The following TOX variants were observed in gnomAD, a reference collection of about 807,000 sequenced individuals.
TOX encodes thymocyte selection-associated high mobility group box protein TOX.
In TOX, 11 loss-of-function variants were observed where a neutral mutation model predicts 53.7. The observed-to-expected ratio is 0.20, with a 90% CI of 0.13 to 0.34. The LOEUF (loss-of-function observed/expected upper bound fraction) is 0.34, where lower values mean the gene tolerates loss of function less well. TOX is among the 10% of genes least tolerant of loss of function. The pLI is 1.00. For synonymous variants in TOX, 225 were observed against 245.3 expected (o/e 0.92, Z 0.77); for missense variants, 570 against 664.6 (o/e 0.86, Z 1.56).
At chr8:58,852,439 A>G (rs1361203014) in intron 3 of TOX, among the ~76,000 whole-genome samples, 1 of 152,210 alleles carries the variant, frequency 6.6e-6, no homozygotes, top group Non-Finnish European at 1.5e-5. Flanking sequence ...ACTTGAAAGT[A>G]AAGCTCTAAA....
At chr8:58,999,417 G>A (rs1475789950) in intron 1 of TOX, among the ~76,000 whole-genome samples, 2 of 151,454 alleles carry the variant, frequency 1.3e-5, no homozygotes, top group African/African-American at 4.9e-5. Context: ...AAAAAAAAAA[G>A]AAACTAAGAA....
intron 1 of TOX, among the ~76,000 whole-genome samples, chr8:59,047,643 A>C (rs748626174): frequency 6.6e-6 from 1 of 151,572 alleles, no homozygotes; most frequent in East Asian, 1.9e-4. Flanking sequence ...GCGCCATCAT[A>C]GCACACTAGA....
At chr8:58,846,201 G>C (rs1810716455) in intron 4 of TOX, among the ~76,000 whole-genome samples, 1 of 151,738 alleles carries the variant, frequency 6.6e-6, no homozygotes, top group Non-Finnish European at 1.5e-5. Flanking sequence ...AGTTTATTAG[G>C]CTCAGCCTTA....
chr8:58,931,056 A>G (rs1292468638), intron 3 of TOX, among the ~76,000 whole-genome samples: 2 of 152,220 alleles, frequency 1.3e-5, no homozygotes, highest in Non-Finnish European at 2.9e-5. Flanking sequence ...TGGCCTTTTC[A>G]GATGTTTGCC....
chr8:59,030,643 G>A (rs1230364722), intron 1 of TOX, among the ~76,000 whole-genome samples: 6 of 152,176 alleles, frequency 3.9e-5, no homozygotes, highest in African/African-American at 7.2e-5. Flanking sequence ...CTGTTCTAGA[G>A]TTCCTTGGTA....
chr8:58,921,535 A>G (rs985216779), intron 3 of TOX, among the ~76,000 whole-genome samples: 5 of 152,222 alleles, frequency 3.3e-5, no homozygotes, highest in African/African-American at 1.2e-4. Context: ...TTTCAGCTAC[A>G]CTTTCAGTAT....
At chr8:59,028,085 T>C (rs1264793968) in intron 1 of TOX, among the ~76,000 whole-genome samples, 3 of 152,210 alleles carry the variant, frequency 2.0e-5, no homozygotes, top group Admixed American at 6.5e-5. Context: ...AATTTGTATC[T>C]GTTACCACGA....
chr8:59,050,528 A>AT (rs953603483), intron 1 of TOX, among the ~76,000 whole-genome samples: 6 of 152,244 alleles, frequency 3.9e-5, no homozygotes, highest in African/African-American at 1.4e-4. Context: ...TTTTATTGAA[A>AT]TTTTTTTCTA....
intron 1 of TOX, among the ~76,000 whole-genome samples, chr8:58,996,431 A>G (rs997678337): frequency 1.1e-4 from 16 of 152,346 alleles, no homozygotes; most frequent in African/African-American, 3.6e-4. Context: ...ATTAGATTAC[A>G]ATCAATTGCC....
Position 59,010,688 on chromosome 8 carries a change from G to A in TOX, c.103-50680C>T, listed in dbSNP as rs551730957. Among the ~76,000 whole-genome samples, 93 of 152,272 alleles carry A rather than the reference G, an allele frequency of 6.1e-4. 1 individual carries two copies. Among genetic ancestry groups the A allele is most frequent in the Non-Finnish European group, 1.1e-3 (74 of 68,026 alleles). On this transcript the variant is annotated intron_variant, in intron 1 of 8. Transcript: ENST00000361421. ...AATACCTACCACATAGTGTTATCAT[G>A]AGGATCACTAGGATAATGAGTTTGA...
chr8:58,829,945 T>G (rs924421618), intron 5 of TOX, among the ~76,000 whole-genome samples: 1 of 152,202 alleles, frequency 6.6e-6, no homozygotes, highest in Non-Finnish European at 1.5e-5. Flanking sequence ...CAGCACGGCA[T>G]TTGGCAATGA....
intron 3 of TOX, among the ~76,000 whole-genome samples, chr8:58,854,864 T>C (rs1331072615): frequency 6.6e-6 from 1 of 152,166 alleles, no homozygotes; most frequent in Non-Finnish European, 1.5e-5. Flanking sequence ...TATTAATCAC[T>C]GCCTAATGTA....
At chr8:59,091,339 T>C (rs986182218) in intron 1 of TOX, among the ~76,000 whole-genome samples, 2 of 152,162 alleles carry the variant, frequency 1.3e-5, no homozygotes, top group African/African-American at 4.8e-5. Context: ...CAGAACTCTC[T>C]CTGAGACACT....
intron 1 of TOX, among the ~76,000 whole-genome samples, chr8:59,106,702 T>C (rs1302990975): frequency 6.6e-6 from 1 of 152,166 alleles, no homozygotes; most frequent in African/African-American, 2.4e-5. Context: ...TTCACATTCC[T>C]GCCGGGTTGT....
intron 1 of TOX, among the ~76,000 whole-genome samples, chr8:58,993,786 A>G (rs374964249): frequency 3.9e-5 from 6 of 152,262 alleles, no homozygotes; most frequent in African/African-American, 1.4e-4. Context: ...ATCCTTTTAT[A>G]TGGATTGCAT....
chr8:58,982,768 A>C (rs1265728241), intron 1 of TOX, among the ~76,000 whole-genome samples: 1 of 152,156 alleles, frequency 6.6e-6, no homozygotes, highest in Non-Finnish European at 1.5e-5. Context: ...AATGTCCTTA[A>C]GTTATAGCCT....
At chr8:58,911,761 T>G (rs1030140793) in intron 3 of TOX, among the ~76,000 whole-genome samples, 1 of 152,152 alleles carries the variant, frequency 6.6e-6, no homozygotes, top group Non-Finnish European at 1.5e-5. Context: ...TGGAGTGCAA[T>G]GGTGCAATCT....
chr8:59,008,788 T>C (rs1444727309), intron 1 of TOX, among the ~76,000 whole-genome samples: 2 of 152,216 alleles, frequency 1.3e-5, no homozygotes, highest in Admixed American at 6.5e-5. Context: ...AATCTTCCTG[T>C]CAGGCTATAA....
intron 3 of TOX, among the ~76,000 whole-genome samples, chr8:58,925,543 G>A (rs191459663): frequency 1.3e-5 from 2 of 152,242 alleles, no homozygotes; most frequent in Admixed American, 6.5e-5. Context: ...CACCACAAGA[G>A]GAAGAAAGTA....
Sources: gnomAD v4.1 joint callset for allele counts (sites outside exome capture counted in the v4.1 genomes callset) on GRCh38, gnomAD v4.1.1 for gene constraint, MANE v1.5 for transcripts, NCBI Gene and HGNC (gene_info 2026-07-23, HGNC 2026-07-21) for gene names.